The following ATE1 variants were observed in gnomAD, a reference collection of about 807,000 sequenced individuals.
ATE1 encodes the protein arginyl-tRNA--protein transferase 1.
A neutral mutation model predicts 70.5 loss-of-function variants in ATE1; 36 were observed. The ratio of observed to expected loss-of-function variants is 0.51; its 90% CI spans 0.39 to 0.67. The LOEUF (loss-of-function observed/expected upper bound fraction) is 0.67. Ranked by LOEUF, ATE1 falls within the 30% of genes least tolerant of loss-of-function variation. The pLI is 0.00. For synonymous variants in ATE1, 232 were observed against 219.3 expected, an observed-to-expected ratio of 1.06 and a Z score of -0.51; for missense variants, 593 against 629.5, an observed-to-expected ratio of 0.94 and a Z score of 0.62.
At chr10:121,787,179 T>G (rs1213246978) in intron 11 of ATE1, among the ~76,000 whole-genome samples, 1 of 152,164 alleles carries the variant, frequency 6.6e-6, no homozygotes, top group African/African-American at 2.4e-5. Context: ...CTGAAGCCTA[T>G]AGTGATCAAC....
chr10:121,803,284 TAAAAA>T (rs1407384411), intron 10 of ATE1, among the ~76,000 whole-genome samples: 2 of 152,192 alleles, frequency 1.3e-5, no homozygotes, highest in Non-Finnish European at 2.9e-5. Context: ...TCGTATTTCT[TAAAAA>T]GAGAGAACCA....
chr10:121,863,252 C>CTTTTT (rs1162295975), intron 8 of ATE1, among the ~76,000 whole-genome samples: 1 of 127,350 alleles, frequency 7.9e-6, no homozygotes, highest in Non-Finnish European at 1.6e-5. Flanking sequence ...CTGAAGTCTA[C>CTTTTT]TTTTTTTTTT....
At chr10:121,795,311 C>T (rs186372589) in intron 10 of ATE1, among the ~76,000 whole-genome samples, 153 of 152,082 alleles carry the variant, frequency 1.0e-3, no homozygotes, top group African/African-American at 3.4e-3. Context: ...TTACATAAAT[C>T]CTCACTATGT....
chr10:121,784,337 T>C lies in ATE1; in HGVS notation c.1378+5832A>G, dbSNP rs141582131. ...AACTGTTGAATTTTATCTTAAGACA[T>C]CTTAGTTTTCACATTTTCAAGAAGA... On this transcript the variant is annotated intron_variant, in intron 11 of 11. Coordinates refer to ENST00000224652, the MANE Select transcript of ATE1 (RefSeq NM_001001976.3). Among the ~76,000 whole-genome samples, 906 of 152,270 alleles carry C rather than the reference T, an allele frequency of 5.9e-3. 13 individuals are homozygous for C. The highest frequency in any genetic ancestry group is 0.021 in the African/African-American group (878 of 41,584).
intron 11 of ATE1, among the ~76,000 whole-genome samples, chr10:121,746,741 T>C (rs1484940626): frequency 7.1e-6 from 1 of 140,852 alleles, no homozygotes; most frequent in Non-Finnish European, 1.5e-5. Flanking sequence ...TTACATCCCT[T>C]ATTTTGTAAT....
intron 9 of ATE1, among the ~76,000 whole-genome samples, chr10:121,839,317 C>T (rs1948544010): frequency 1.3e-5 from 2 of 152,072 alleles, no homozygotes; most frequent in Non-Finnish European, 2.9e-5. Flanking sequence ...TTTATTGAGC[C>T]ATGAAATATT....
chr10:121,843,275 C>T (rs535772578), intron 8 of ATE1, among the ~76,000 whole-genome samples: 55 of 152,050 alleles, frequency 3.6e-4, no homozygotes, highest in Non-Finnish European at 4.6e-4. Context: ...TACAAAACTC[C>T]GACAAAAGGA....
chr10:121,753,222 G>A (rs928373109), intron 11 of ATE1, among the ~76,000 whole-genome samples: 12 of 152,034 alleles, frequency 7.9e-5, no homozygotes, highest in Admixed American at 7.2e-4. Context: ...CATTCTTTAG[G>A]ATTTTCTATG....
At chr10:121,813,329 C>T (rs1220442788) in intron 10 of ATE1, among the ~76,000 whole-genome samples, 1 of 152,178 alleles carries the variant, frequency 6.6e-6, no homozygotes, top group Non-Finnish European at 1.5e-5. Flanking sequence ...CTCTTTATCC[C>T]TCCTCATTCT....
At chr10:121,874,035 T>C (rs975625180) in intron 7 of ATE1, among the ~76,000 whole-genome samples, 6 of 152,174 alleles carry the variant, frequency 3.9e-5, no homozygotes, top group Non-Finnish European at 8.8e-5. Context: ...GCTTTTCACT[T>C]ATTGTACCCT....
chr10:121,899,859 T>G lies in ATE1; in HGVS notation c.942+7A>C. ...TTGCACAGGAAAATTACACTTGGCC[T>G]GCTGACCTGGCTTTCGGTTGGCGTA... On this transcript the variant is annotated splice_region_variant and intron_variant, in intron 7 of 11. Coordinates refer to ENST00000224652, the MANE Select transcript of ATE1 (RefSeq NM_001001976.3). 6.2e-7 allele frequency: 1 copy of G among 1,611,746 alleles called. No homozygotes were observed. Among genetic ancestry groups the G allele is most frequent in the Non-Finnish European group, 8.5e-7 (1 of 1,178,836 alleles).
At chr10:121,888,170 G>A (rs10887009) in intron 7 of ATE1, among the ~76,000 whole-genome samples, 20,079 of 152,208 alleles carry the variant, frequency 0.13, 1,523 homozygotes, top group East Asian at 0.19. Context: ...CAAGGTGGGC[G>A]GATCCCAAGG....
chr10:121,813,061 T>A (rs1046943397), intron 10 of ATE1, among the ~76,000 whole-genome samples: 1 of 152,218 alleles, frequency 6.6e-6, no homozygotes, highest in Non-Finnish European at 1.5e-5. Flanking sequence ...TTCACTATTT[T>A]AAAATTTGAA....
At chr10:121,755,108 C>A (rs573737190) in intron 11 of ATE1, among the ~76,000 whole-genome samples, 1 of 152,144 alleles carries the variant, frequency 6.6e-6, no homozygotes, top group Non-Finnish European at 1.5e-5. Flanking sequence ...CTCACTTGAA[C>A]CTTAGGTCTA....
chr10:121,812,578 T>A (rs1947369344), intron 10 of ATE1, among the ~76,000 whole-genome samples: 1 of 152,206 alleles, frequency 6.6e-6, no homozygotes, highest in Non-Finnish European at 1.5e-5. Flanking sequence ...AAGTAAGTTC[T>A]ACATTTCTGA....
At chr10:121,898,097 T>C (rs1045733650) in intron 7 of ATE1, among the ~76,000 whole-genome samples, 2 of 152,082 alleles carry the variant, frequency 1.3e-5, no homozygotes, top group Admixed American at 6.5e-5. Flanking sequence ...TCTTCCAACA[T>C]ACCATGGTTC....
chr10:121,903,610 C>T (rs1590682520), intron 5 of ATE1, among the ~76,000 whole-genome samples: 1 of 151,982 alleles, frequency 6.6e-6, no homozygotes, highest in Admixed American at 6.6e-5. Flanking sequence ...TCACTTGAAC[C>T]CAGGAGGCAG....
At chr10:121,847,346 G>A (rs1339316660) in intron 8 of ATE1, among the ~76,000 whole-genome samples, 1 of 152,142 alleles carries the variant, frequency 6.6e-6, no homozygotes, top group African/African-American at 2.4e-5. Flanking sequence ...TACTCAGGAG[G>A]CTGATGCAGG....
intron 7 of ATE1, among the ~76,000 whole-genome samples, chr10:121,882,154 A>C (rs1050464557): frequency 1.3e-5 from 2 of 152,084 alleles, no homozygotes; most frequent in African/African-American, 4.8e-5. Flanking sequence ...TCAAAGACTA[A>C]AATTATATGT....
Sources: allele counts gnomAD v4.1 joint callset (sites outside exome capture counted in the v4.1 genomes callset), GRCh38; gene constraint gnomAD v4.1.1; transcripts MANE v1.5; gene names NCBI Gene and HGNC (gene_info 2026-07-23, HGNC 2026-07-21).